The following RNF17 variants were observed in gnomAD, a reference collection of about 807,000 sequenced individuals.
RNF17 encodes ring finger protein 17.
Under a neutral mutation model 200.5 loss-of-function variants are expected in RNF17, and 31 were observed. The ratio of observed to expected loss-of-function variants is 0.15; its 90% CI spans 0.12 to 0.21. The LOEUF (loss-of-function observed/expected upper bound fraction) is 0.21, where lower values mean the gene tolerates loss of function less well. Ranked by LOEUF, RNF17 falls within the 10% of genes least tolerant of loss-of-function variation. The probability of loss-of-function intolerance (pLI) is 1.00; values close to 1 mark genes in which losing one functional copy is unlikely to be tolerated. For missense variants in RNF17, 1,628 were observed against 1,905.1 expected (o/e 0.85, Z 2.71); for synonymous variants, 606 against 637.8 (o/e 0.95, Z 0.75).
At chr13:24,805,244 T>C (rs899742912) in intron 15 of RNF17, among the ~76,000 whole-genome samples, 2 of 152,206 alleles carry the variant, frequency 1.3e-5, no homozygotes, top group Admixed American at 1.3e-4. Flanking sequence ...TTTTTAATAA[T>C]TGTTCAGTGT....
At position 24,781,922 on chromosome 13, in the gene RNF17, C is replaced by A. The variant is rs748455841; in HGVS notation, c.589C>A (p.Leu197Ile). 8 of 1,610,928 alleles carry A rather than the reference C, an allele frequency of 5.0e-6. No individual in the cohort carries two copies. The highest frequency in any genetic ancestry group is 6.8e-6 in the Non-Finnish European group (8 of 1,178,712). The change falls in exon 6 of 36, where the codon CTT (leucine) becomes ATT (isoleucine). Residue 197 changes from leucine to isoleucine, a missense_variant. By Grantham distance (5) the Leu-to-Ile change is conservative. This residue lies in a region of RNF17 where 502 missense variants were observed against 501.7 expected (regional missense o/e 1.00). Coordinates refer to ENST00000255324, the MANE Select transcript of RNF17 (RefSeq NM_031277.3). ...IEVVEKQFDQ[L>I]LAFFDSRKKN... Reference sequence around the variant, plus strand: ...AGTTGTGGAGAAACAGTTTGACCAACTTTTGGCTTTTTTTGATTCCAGGTT... The same window carrying A: ...AGTTGTGGAGAAACAGTTTGACCAAATTTTGGCTTTTTTTGATTCCAGGTT...
chr13:24,846,920 A>G (rs989161658), intron 22 of RNF17, among the ~76,000 whole-genome samples: 6 of 152,226 alleles, frequency 3.9e-5, no homozygotes, highest in Non-Finnish European at 8.8e-5. Flanking sequence ...CTTTTCAGAC[A>G]TGGATTATAA....
At chr13:24,823,011 G>T (rs1040163331) in intron 15 of RNF17, among the ~76,000 whole-genome samples, 1 of 152,120 alleles carries the variant, frequency 6.6e-6, no homozygotes, top group Non-Finnish European at 1.5e-5. Flanking sequence ...AGAATTTCTT[G>T]TAAGGCAGGT....
chr13:24,843,640 C>A, intron 19 of RNF17, 104 bp from the exon 20 acceptor site: 1 of 697,808 alleles, frequency 1.4e-6, no homozygotes, highest in Non-Finnish European at 2.4e-6. Flanking sequence ...TGAATTTTGA[C>A]AAAATAGTCA....
At chr13:24,883,056 T>C, downstream of RNF17, 1 of 911,448 alleles carries the variant, frequency 1.1e-6, no homozygotes, top group Non-Finnish European at 1.8e-6. Context: ...GGGTAAACTT[T>C]TATTTTAGAA....
intron 32 of RNF17, among the ~76,000 whole-genome samples, chr13:24,871,770 T>C (rs1440986664): frequency 1.3e-5 from 2 of 150,886 alleles, no homozygotes; most frequent in Non-Finnish European, 2.9e-5. Context: ...ATAGCTGTGA[T>C]TATAGGCACG....
chr13:24,749,307 C>CTTTTTTTTTT, the RNF17 span, among the ~76,000 whole-genome samples: 426 of 107,990 alleles, frequency 3.9e-3, 22 homozygotes, highest in African/African-American at 8.8e-3. Flanking sequence ...TTCTTTCTTT[C>CTTTTTTTTTT]TTTTTTTTTT....
intron 13 of RNF17, among the ~76,000 whole-genome samples, chr13:24,801,652 AT>A (rs1474542020): frequency 3.3e-5 from 5 of 151,774 alleles, no homozygotes; most frequent in African/African-American, 7.2e-5. Context: ...CAGTGGGTGG[AT>A]TTTTTTTTAA....
chr13:24,834,540 AC>A (rs528114564), intron 18 of RNF17, among the ~76,000 whole-genome samples: 131 of 152,208 alleles, frequency 8.6e-4, no homozygotes, highest in African/African-American at 3.0e-3. Flanking sequence ...GGAAAGGGAG[AC>A]CCTCCTCTCC....
At chr13:24,767,768 A>G (rs922541355) in intron 2 of RNF17, among the ~76,000 whole-genome samples, 1 of 151,214 alleles carries the variant, frequency 6.6e-6, no homozygotes, top group African/African-American at 2.4e-5. Flanking sequence ...AAAAACCCTA[A>G]AATCTTGCAT....
At chr13:24,790,281 A>G (rs564745784) in intron 9 of RNF17, among the ~76,000 whole-genome samples, 1 of 152,274 alleles carries the variant, frequency 6.6e-6, no homozygotes, top group African/African-American at 2.4e-5. Context: ...ATATATGGGC[A>G]GTGAAATAGC....
At chr13:24,787,403 A>AT (rs200630311) in intron 6 of RNF17, among the ~76,000 whole-genome samples, 1 of 152,006 alleles carries the variant, frequency 6.6e-6, no homozygotes, top group Non-Finnish European at 1.5e-5. Flanking sequence ...GCCTTGTGGT[A>AT]TTTTTGTTGA....
At chr13:24,866,498 C>T (rs1266371554) in intron 30 of RNF17, among the ~76,000 whole-genome samples, 1 of 152,162 alleles carries the variant, frequency 6.6e-6, no homozygotes, top group Non-Finnish European at 1.5e-5. Context: ...ATTTGCTTAT[C>T]CTGTGCATGT....
At chr13:24,881,597 T>G (rs1424943578), downstream of RNF17, among the ~76,000 whole-genome samples, 1 of 151,586 alleles carries the variant, frequency 6.6e-6, no homozygotes, top group Admixed American at 6.6e-5. Flanking sequence ...TATATAGATA[T>G]ATCTATCTAG....
rs538040552 is a variant in RNF17 at position 24,876,958 on chromosome 13, C to T, written c.4584-39C>T. On this transcript the variant is annotated intron_variant, in intron 33 of 35. Coordinates refer to ENST00000255324, the MANE Select transcript of RNF17 (RefSeq NM_031277.3). ...CTTCTAAGAATTGGATAGTTTCAGCCGGAAGAGAATTTTAATGTAAGAATT... is the reference window on the plus strand; with the variant it reads ...CTTCTAAGAATTGGATAGTTTCAGCTGGAAGAGAATTTTAATGTAAGAATT... 4.8e-4 allele frequency: 726 copies of T among 1,497,666 alleles called. 15 individuals carry two copies. In the South Asian group the frequency reaches 8.7e-3, roughly 18 times the overall value. 92.8% of individuals were successfully genotyped at this position (1,497,666 alleles called of 1,614,324 possible). A position where few individuals can be genotyped will look rare whatever the true frequency, so the allele number is the denominator to read the frequency against.
chr13:24,815,141 C>T (rs1349069461), intron 15 of RNF17, among the ~76,000 whole-genome samples: 2 of 152,130 alleles, frequency 1.3e-5, no homozygotes, highest in African/African-American at 4.8e-5. Flanking sequence ...ATAGCATTGA[C>T]ATCTTAACAA....
At chr13:24,798,064 G>A (rs113412963) in intron 11 of RNF17, among the ~76,000 whole-genome samples, 2 of 151,976 alleles carry the variant, frequency 1.3e-5, no homozygotes, top group Non-Finnish European at 2.9e-5. Flanking sequence ...TATGACTGCC[G>A]TCACTCACTG....
At chr13:24,754,779 T>A in the RNF17 span, among the ~76,000 whole-genome samples, 1 of 151,550 alleles carries the variant, frequency 6.6e-6, no homozygotes, top group Non-Finnish European at 1.5e-5. Context: ...GCCTATAGCC[T>A]CAGCTACTTG....
intron 28 of RNF17, among the ~76,000 whole-genome samples, chr13:24,863,211 C>T (rs578131172): frequency 6.6e-6 from 1 of 152,214 alleles, no homozygotes; most frequent in Non-Finnish European, 1.5e-5. Flanking sequence ...AAGGCAAAAA[C>T]CTAAAACATT....
Sources: allele counts gnomAD v4.1 joint callset (sites outside exome capture counted in the v4.1 genomes callset), GRCh38; gene constraint gnomAD v4.1.1; regional missense constraint gnomAD v4.1.1; transcripts MANE v1.5; gene names NCBI Gene and HGNC (gene_info 2026-07-23, HGNC 2026-07-21).